Variants in CCZ1 observed in about 807,000 individuals in gnomAD.
CCZ1 encodes CCZ1 vacuolar protein trafficking and biogenesis associated.
A neutral mutation model predicts 57.8 loss-of-function variants in CCZ1; 19 were observed. The ratio of observed to expected loss-of-function variants is 0.33; its 90% CI spans 0.23 to 0.48. The LOEUF (loss-of-function observed/expected upper bound fraction) is 0.48. CCZ1 is among the 20% of genes least tolerant of loss of function. The pLI is 0.99. For synonymous variants in CCZ1, 81 were observed against 167.0 expected (o/e 0.49, Z 3.97); for missense variants, 200 against 492.0 (o/e 0.41, Z 5.61).
rs371469451 is a variant in CCZ1 at position 5,910,097 on chromosome 7, C to T, written c.761C>T (p.Pro254Leu). ...AAATACCTTACCACCTCCCTTTTTC[C>T]AAGGCACATCGAACCTGAGGTATGA... ...LYKYLTTSLF[P>L]RHIEPELAGR... The change falls in exon 8 of 15, where the codon CCA (proline) becomes CTA (leucine). Residue 254 changes from proline to leucine, a missense_variant. Physicochemically the swap from Pro to Leu is moderately conservative, Grantham distance 98 (BLOSUM62 -3). Transcript: ENST00000325974. 169 of 1,562,154 alleles carry T rather than the reference C, an allele frequency of 1.1e-4. 3 individuals are homozygous for T. Among genetic ancestry groups the T allele is most frequent in the Middle Eastern group, 1.7e-4 (1 of 5,958 alleles).
chr7:5,911,301 G>A (rs115944490), intron 8 of CCZ1, among the ~76,000 whole-genome samples: 4,308 of 148,460 alleles, frequency 0.029, 422 homozygotes, highest in African/African-American at 0.1. Context: ...CACTCTCTTC[G>A]CTTGTTCGTT....
At chr7:5,899,308 AG>A (rs1781621770) in intron 1 of CCZ1, among the ~76,000 whole-genome samples, 1 of 134,038 alleles carries the variant, frequency 7.5e-6, no homozygotes, top group Admixed American at 7.4e-5. Context: ...CGCCCAAATG[AG>A]GAAATAAATT....
intron 8 of CCZ1, among the ~76,000 whole-genome samples, chr7:5,910,660 G>A (rs1781949420): frequency 1.4e-5 from 2 of 144,864 alleles, no homozygotes; most frequent in South Asian, 4.7e-4. Flanking sequence ...GAGTCATTGA[G>A]TAGAGGAAAA....
intron 6 of CCZ1, among the ~76,000 whole-genome samples, chr7:5,904,620 A>G (rs192773950): frequency 0.013 from 1,880 of 146,756 alleles, 166 homozygotes; most frequent in African/African-American, 0.046. Context: ...ATCACGAGTC[A>G]GGAGATTGAG....
intron 9 of CCZ1, among the ~76,000 whole-genome samples, chr7:5,912,415 T>C (rs1364605333): frequency 1.7e-4 from 13 of 76,640 alleles, no homozygotes; most frequent in African/African-American, 8.2e-4. Flanking sequence ...TTTTTTGAGA[T>C]GGAGTGTCTC....
intron 5 of CCZ1, 190 bp from the exon 6 acceptor site, chr7:5,902,471 C>T (rs1419382478): frequency 2.8e-6 from 3 of 1,074,780 alleles, no homozygotes; most frequent in African/African-American, 3.4e-5. Flanking sequence ...AATAAGACAG[C>T]ATCACTTAAC....
At position 5,904,809 on chromosome 7, in the gene CCZ1, T is replaced by A. The variant is rs1781766052; in HGVS notation, c.523-285T>A. Among the ~76,000 whole-genome samples, 3 of 148,042 alleles carry A rather than the reference T, an allele frequency of 2.0e-5. No homozygotes were observed. The South Asian group carries it at 6.6e-4, about 33-fold the overall frequency. ...TCGCACCACTGCACTCCAGCCTGGA[T>A]GACAGAGCAAGACTCTGTCACAAAA... is the stretch of plus-strand genomic sequence containing the variant. On this transcript the variant is annotated intron_variant, in intron 6 of 14. Coordinates refer to ENST00000325974, the MANE Select transcript of CCZ1 (RefSeq NM_015622.6).
At position 5,902,983 on chromosome 7, in the gene CCZ1, A is replaced by T. The variant is rs967497674; in HGVS notation, c.522+239A>T. 2.0e-5 allele frequency among the ~76,000 whole-genome samples: 3 copies of T among 148,240 alleles called. No individual in the cohort carries two copies. The South Asian group carries it at 6.8e-4, about 33-fold the overall frequency. On this transcript the variant is annotated intron_variant, in intron 6 of 14. Coordinates refer to ENST00000325974, the MANE Select transcript of CCZ1 (RefSeq NM_015622.6). ...TTCCTGCGTTTGCCCGGGGCTCTTA[A>T]AGGGTCCTGGAGACATCGTTTGGCC...
intron 7 of CCZ1, among the ~76,000 whole-genome samples, chr7:5,907,968 G>C (rs1052097803): frequency 2.8e-5 from 4 of 144,564 alleles, no homozygotes; most frequent in Non-Finnish European, 6.0e-5. Flanking sequence ...TGGGCATTGT[G>C]GTGTGCACTT....
intron 5 of CCZ1, 45 bp from the exon 6 acceptor site, chr7:5,902,616 G>A (rs1781710013): frequency 6.5e-7 from 1 of 1,548,210 alleles, no homozygotes; most frequent in Non-Finnish European, 8.6e-7. Context: ...GAAAAAGTGA[G>A]CATAGGAAAC....
chr7:5,905,432 C>T (rs1267139187), intron 7 of CCZ1, among the ~76,000 whole-genome samples, 163 bp downstream of exon 7: 3 of 143,804 alleles, frequency 2.1e-5, no homozygotes, highest in Non-Finnish European at 4.5e-5. Flanking sequence ...TTATTTAAAG[C>T]AGAACTAGGG....
At chr7:5,910,229 TCTTA>T in intron 8 of CCZ1, 113 bp downstream of exon 8, 2 of 964,944 alleles carry the variant, frequency 2.1e-6, no homozygotes, top group South Asian at 1.6e-5. Context: ...GTATGTTTTG[TCTTA>T]CTGTGATATT....
In CCZ1 at chr7:5,915,431, A is replaced by C. The variant is rs1458575629; in HGVS notation, c.954+2477A>C. Among the ~76,000 whole-genome samples, 13 of 137,680 alleles carry C rather than the reference A, an allele frequency of 9.4e-5. 3 individuals are homozygous for C. Among genetic ancestry groups the C allele is most frequent in the Non-Finnish European group, 2.1e-4 (13 of 62,720 alleles). The allele number at this position is 137,680 out of a possible 152,430, so 90.3% of individuals were successfully genotyped here. On this transcript the variant is annotated intron_variant, in intron 10 of 14. Coordinates refer to ENST00000325974, the MANE Select transcript of CCZ1 (RefSeq NM_015622.6). ...TGAAATCTCCATAACCCTGGTGTGT[A>C]ATATGCTGTCGGCTGCATTTCTATT...
At chr7:5,913,227 CAG>C (rs1479859439) in intron 10 of CCZ1, among the ~76,000 whole-genome samples, 19 of 145,476 alleles carry the variant, frequency 1.3e-4, no homozygotes, top group African/African-American at 4.9e-4. Flanking sequence ...CAAAGGCTGT[CAG>C]AGGTTGGTGC....
chr7:5,908,871 T>C (rs7796320), intron 7 of CCZ1, among the ~76,000 whole-genome samples: 639 of 147,418 alleles, frequency 4.3e-3, no homozygotes, highest in African/African-American at 0.015. Context: ...CCTCCTCCTC[T>C]TTCTTCACCG....
At chr7:5,901,973 C>T in intron 5 of CCZ1, 1 of 426,422 alleles carries the variant, frequency 2.3e-6, no homozygotes, top group Non-Finnish European at 4.0e-6. Flanking sequence ...AAGGAATGTA[C>T]AGAATGCAGA....
intron 7 of CCZ1, among the ~76,000 whole-genome samples, chr7:5,905,626 AC>A (rs1781793402): frequency 6.9e-6 from 1 of 144,608 alleles, no homozygotes; most frequent in Non-Finnish European, 1.5e-5. Context: ...TACTAAAAAT[AC>A]AAAAAGTAGC....
In CCZ1 at chr7:5,904,418, A is replaced by C. The variant is rs1331431811; in HGVS notation, c.523-676A>C. ...AAAAACTTGAAAGTGCTAGCTGGGCACAGTGGCTCATGCCTGTATTCCCAG... is the reference window on the plus strand; with the variant it reads ...AAAAACTTGAAAGTGCTAGCTGGGCCCAGTGGCTCATGCCTGTATTCCCAG... On this transcript the variant is annotated intron_variant, in intron 6 of 14. Coordinates refer to ENST00000325974, the MANE Select transcript of CCZ1 (RefSeq NM_015622.6). 7.5e-5 allele frequency among the ~76,000 whole-genome samples: 11 copies of C among 146,612 alleles called. 1 individual carries two copies. In the East Asian group the frequency reaches 2.5e-3, roughly 34 times the overall value.
chr7:5,900,825 T>G lies in CCZ1; in HGVS notation c.313-30T>G, dbSNP rs1368242349. On this transcript the variant is annotated intron_variant, in intron 3 of 14. Transcript: ENST00000325974. Reference sequence around the variant, plus strand: ...AATAAACATGGTCTAATGAATTCATTGTATAATTTCAGTTTATCAAACTTT... The same window carrying G: ...AATAAACATGGTCTAATGAATTCATGGTATAATTTCAGTTTATCAAACTTT... 3.1e-6 allele frequency: 4 copies of G among 1,277,786 alleles called. No homozygotes were observed. In the South Asian group the frequency reaches 4.2e-5, roughly 13 times the overall value. 79.2% of individuals were successfully genotyped at this position (1,277,786 alleles called of 1,614,324 possible).
Sources: allele counts gnomAD v4.1 joint callset (sites outside exome capture counted in the v4.1 genomes callset), GRCh38; gene constraint gnomAD v4.1.1; transcripts MANE v1.5; gene names NCBI Gene and HGNC (gene_info 2026-07-23, HGNC 2026-07-21).